Variants in DYNC2H1 observed in about 807,000 individuals in gnomAD.
DYNC2H1 encodes the protein cytoplasmic dynein 2 heavy chain 1.
DYNC2H1 carries 410 observed loss-of-function variants against 570.0 expected under a neutral mutation model. That is an observed-to-expected ratio of 0.72 (90% confidence interval 0.66 to 0.78). The LOEUF is 0.78. DYNC2H1 is among the 30% of genes least tolerant of loss of function. DYNC2H1 has a pLI of 0.00. For missense variants in DYNC2H1, 4,865 were observed against 5,046.4 expected (o/e 0.96, Z 1.09); for synonymous variants, 1,688 against 1,677.6 (o/e 1.01, Z -0.15).
intron 58 of DYNC2H1, among the ~76,000 whole-genome samples, 188 bp from the exon 59 acceptor site, chr11:103,222,777 A>G (rs1863637273): frequency 6.6e-6 from 1 of 152,218 alleles, no homozygotes; most frequent in Admixed American, 6.5e-5. Flanking sequence ...TTTTAAGTGA[A>G]AATAGAGTTC....
intron 84 of DYNC2H1, among the ~76,000 whole-genome samples, chr11:103,423,307 T>G (rs956302631): frequency 4.0e-5 from 6 of 150,580 alleles, no homozygotes; most frequent in African/African-American, 1.5e-4. Flanking sequence ...AAATATATAA[T>G]CAATTGATTT....
intron 87 of DYNC2H1, among the ~76,000 whole-genome samples, chr11:103,463,446 G>C (rs1182496180): frequency 6.6e-6 from 1 of 152,154 alleles, no homozygotes; most frequent in Non-Finnish European, 1.5e-5. Context: ...CCAATAAAAA[G>C]AGACTGAATA....
intron 83 of DYNC2H1, among the ~76,000 whole-genome samples, chr11:103,372,994 A>G (rs1039558376): frequency 3.3e-5 from 5 of 151,984 alleles, no homozygotes; most frequent in African/African-American, 9.7e-5. Context: ...CTCAGGCTGG[A>G]GTGCAGTGGT....
chr11:103,219,610 C>G, intron 55 of DYNC2H1, among the ~76,000 whole-genome samples: 1 of 151,808 alleles, frequency 6.6e-6, no homozygotes, highest in Non-Finnish European at 1.5e-5. Context: ...AAGACTCCAT[C>G]TCAAAAAAAA....
At chr11:103,282,067 G>T (rs895685723) in intron 71 of DYNC2H1, 112 bp from the exon 72 acceptor site, 3 of 771,030 alleles carry the variant, frequency 3.9e-6, no homozygotes, top group African/African-American at 3.6e-5. Context: ...AGATGGAAAT[G>T]AGTATCTGCT....
chr11:103,358,504 A>G, intron 83 of DYNC2H1, 145 bp downstream of exon 83: 1 of 505,410 alleles, frequency 2.0e-6, no homozygotes. Flanking sequence ...TCCTTTCTTC[A>G]TACCAGTGCA....
intron 84 of DYNC2H1, among the ~76,000 whole-genome samples, chr11:103,434,945 A>T (rs1238711573): frequency 2.0e-5 from 3 of 152,120 alleles, no homozygotes; most frequent in African/African-American, 4.8e-5. Context: ...GCATAGTATC[A>T]CTTTCTCTGT....
Position 103,400,949 on chromosome 11 carries a change from A to G in DYNC2H1, c.12366+1077A>G, listed in dbSNP as rs144950406. 1.2e-4 allele frequency among the ~76,000 whole-genome samples: 19 copies of G among 152,288 alleles called. No homozygotes were observed. In the South Asian group the frequency reaches 3.5e-3, roughly 28 times the overall value. On this transcript the variant is annotated intron_variant, in intron 84 of 88. Coordinates refer to ENST00000375735, the MANE Select transcript of DYNC2H1 (RefSeq NM_001377.3). ...AATCAACCATGATTATCAAAATACT[A>G]TAGTTTTGATTTGTACCACAGATTG...
chr11:103,420,648 A>T (rs529278357), intron 84 of DYNC2H1, among the ~76,000 whole-genome samples: 12 of 152,298 alleles, frequency 7.9e-5, no homozygotes, highest in Admixed American at 7.2e-4. Flanking sequence ...GCAAAGAAGA[A>T]ATAAGATCCT....
Position 103,149,769 on chromosome 11 carries a change from CG to C in DYNC2H1, c.2946+1153del, listed in dbSNP as rs150323116. 8.0e-5 allele frequency among the ~76,000 whole-genome samples: 12 copies of C among 149,496 alleles called. No individual in the cohort carries two copies. The East Asian group carries it at 2.4e-3, about 29-fold the overall frequency. ...TTCTCATGGAACATACACGTGTGTG[CG>C]TGTGTGTGTGTGTGAGAGAGAGTGA... On this transcript the variant is annotated intron_variant, in intron 20 of 88. Coordinates refer to ENST00000375735, the MANE Select transcript of DYNC2H1 (RefSeq NM_001377.3).
intron 83 of DYNC2H1, among the ~76,000 whole-genome samples, chr11:103,360,583 ATCAT>A (rs201392628): frequency 0.011 from 1,694 of 151,148 alleles, 32 homozygotes; most frequent in African/African-American, 0.04. Context: ...ATAATATATG[ATCAT>A]TCATTTTACC....
At chr11:103,387,819 G>A (rs138310405) in intron 83 of DYNC2H1, among the ~76,000 whole-genome samples, 1,893 of 152,248 alleles carry the variant, frequency 0.012, 16 homozygotes, top group Middle Eastern at 0.024. Flanking sequence ...TTGTAGATAT[G>A]TGGCATTATT....
At position 103,191,611 on chromosome 11, in the gene DYNC2H1, TAGA is replaced by T. The variant is rs1862315678; in HGVS notation, c.7535_7537del (p.Glu2512del). On this transcript the variant is annotated inframe_deletion, in exon 46 of 89. Transcript: ENST00000375735. ...GTTCTTGGCTTATTTAGATATGATT[TAGA>T]AGGAGGTGAGTTTTGCTAGTGTGTA... 1.2e-6 allele frequency: 2 copies of T among 1,604,316 alleles called. No individual in the cohort carries two copies. Among genetic ancestry groups the T allele is most frequent in the Non-Finnish European group, 1.7e-6 (2 of 1,174,566 alleles).
intron 75 of DYNC2H1, among the ~76,000 whole-genome samples, chr11:103,288,503 G>A (rs1866439895): frequency 6.6e-6 from 1 of 151,244 alleles, no homozygotes; most frequent in Non-Finnish European, 1.5e-5. Flanking sequence ...TTCTTGCCTG[G>A]GGATAAGTCT....
Position 103,109,578 on chromosome 11 carries a change from G to C in DYNC2H1, c.4G>C (p.Ala2Pro). The C allele has an allele frequency of 6.2e-7, 1 of 1,612,926 alleles. No individual in the cohort carries two copies. M[A>P]NGTADVRKLF... ...CTTCCCTCCACCCCTTCCAATCATG[G>C]CGAACGGGACTGCGGACGTTCGGAA... The change falls in exon 1 of 89, where the codon GCG (alanine) becomes CCG (proline). Residue 2 changes from alanine (A) to proline (P), a missense_variant. Ala to Pro is a conservative substitution (Grantham distance 27). Coordinates refer to ENST00000375735, the MANE Select transcript of DYNC2H1 (RefSeq NM_001377.3).
chr11:103,449,713 G>A (rs1217561445), intron 85 of DYNC2H1, among the ~76,000 whole-genome samples: 1 of 151,916 alleles, frequency 6.6e-6, no homozygotes, highest in Non-Finnish European at 1.5e-5. Context: ...AAAAAATAAT[G>A]ATCTTACTGA....
intron 17 of DYNC2H1, among the ~76,000 whole-genome samples, chr11:103,142,892 GC>G (rs1390100266): frequency 1.3e-5 from 2 of 152,102 alleles, no homozygotes; most frequent in Non-Finnish European, 2.9e-5. Flanking sequence ...TTTCTTAACT[GC>G]CACTGCAATA....
Position 103,220,623 on chromosome 11 carries a change from C to A in DYNC2H1, c.8947C>A (p.Pro2983Thr). ...TAAAAATGGCCTTTTTCTCTTTTAG[C>A]CTTTAGTCAATGAAGCTAAACTAGC... ...KIDDELKEVQ[P>T]LVNEAKLAVG... The change falls in exon 57 of 89, where the codon CCT becomes ACT. Residue 2983 changes from proline to threonine, a missense_variant and splice_region_variant. Coordinates refer to ENST00000375735, the MANE Select transcript of DYNC2H1 (RefSeq NM_001377.3). 4 of 1,598,102 alleles carry A rather than the reference C, an allele frequency of 2.5e-6. No homozygotes were observed. Among genetic ancestry groups the A allele is most frequent in the South Asian group, 2.3e-5 (2 of 86,258 alleles).
rs1864963739 is a variant in DYNC2H1, at chr11:103,254,462, A to G, written c.10207-953A>G. On this transcript the variant is annotated intron_variant, in intron 66 of 88. Coordinates refer to ENST00000375735, the MANE Select transcript of DYNC2H1 (RefSeq NM_001377.3). The surrounding 1 kb of genome is among the most constrained non-coding windows in gnomAD (Gnocchi z 4.9). Reference sequence around the variant, plus strand: ...ATAGCATTTTTCAACAGCTTCACAGATAACAGCTTTAACAAATACAATGTA... The same window carrying G: ...ATAGCATTTTTCAACAGCTTCACAGGTAACAGCTTTAACAAATACAATGTA... Among the ~76,000 whole-genome samples, 1 of 152,228 alleles carries G rather than the reference A, an allele frequency of 6.6e-6. No homozygotes were observed.
Sources: allele counts gnomAD v4.1 joint callset (sites outside exome capture counted in the v4.1 genomes callset), GRCh38; gene constraint gnomAD v4.1.1; non-coding constraint Gnocchi (gnomAD v3.1); transcripts MANE v1.5; gene names NCBI Gene and HGNC (gene_info 2026-07-23, HGNC 2026-07-21).